The following ADAMTS19 variants were observed in gnomAD, a reference collection of about 807,000 sequenced individuals.
ADAMTS19 encodes A disintegrin and metalloproteinase with thrombospondin motifs 19.
A neutral mutation model predicts 153.3 loss-of-function variants in ADAMTS19; 93 were observed. The observed-to-expected ratio is 0.61, with a 90% confidence interval of 0.51 to 0.72. The LOEUF (loss-of-function observed/expected upper bound fraction) is 0.72, where lower values mean the gene tolerates loss of function less well. Among genes scored for constraint, ADAMTS19 ranks in the 30% least tolerant of loss-of-function variants. ADAMTS19 has a pLI of 0.00. For missense variants in ADAMTS19, 1,482 were observed against 1,552.1 expected (o/e 0.95, Z 0.76); for synonymous variants, 600 against 556.6 (o/e 1.08, Z -1.10).
At chr5:129,619,761 A>G (rs115426530) in intron 8 of ADAMTS19, among the ~76,000 whole-genome samples, 405 of 152,176 alleles carry the variant, frequency 2.7e-3, no homozygotes, top group African/African-American at 9.2e-3. Context: ...TAGTAACTAT[A>G]GGATAGAAGG....
At chr5:129,502,168 G>T (rs1292397231) in intron 2 of ADAMTS19, among the ~76,000 whole-genome samples, 1 of 152,176 alleles carries the variant, frequency 6.6e-6, no homozygotes, top group South Asian at 2.1e-4. Context: ...TTCTAGAAAC[G>T]AAAAGGACCA....
At chr5:129,570,664 A>G (rs1297787406) in intron 7 of ADAMTS19, among the ~76,000 whole-genome samples, 1 of 151,874 alleles carries the variant, frequency 6.6e-6, no homozygotes, top group Non-Finnish European at 1.5e-5. Context: ...AATATTTCTC[A>G]TGAACATAAA....
At chr5:129,493,638 C>T (rs1452608046) in intron 2 of ADAMTS19, among the ~76,000 whole-genome samples, 1 of 152,148 alleles carries the variant, frequency 6.6e-6, no homozygotes, top group Non-Finnish European at 1.5e-5. Flanking sequence ...CTGTCTTTGA[C>T]TCTACCTGTT....
At chr5:129,555,859 G>C (rs945591393) in intron 7 of ADAMTS19, among the ~76,000 whole-genome samples, 1 of 152,156 alleles carries the variant, frequency 6.6e-6, no homozygotes, top group Non-Finnish European at 1.5e-5. Flanking sequence ...TTCAGATGAA[G>C]ATATAGAATT....
At chr5:129,507,408 C>G (rs1581018960) in intron 2 of ADAMTS19, among the ~76,000 whole-genome samples, 1 of 151,826 alleles carries the variant, frequency 6.6e-6, no homozygotes, top group Non-Finnish European at 1.5e-5. Context: ...TTAATATTTT[C>G]TTGTTTCTCA....
intron 3 of ADAMTS19, among the ~76,000 whole-genome samples, chr5:129,518,814 A>T: frequency 6.6e-6 from 1 of 151,968 alleles, no homozygotes; most frequent in East Asian, 1.9e-4. Context: ...TAAGGCCAAT[A>T]ACTCTTATAT....
intron 6 of ADAMTS19, among the ~76,000 whole-genome samples, chr5:129,538,834 C>G (rs775038707): frequency 6.6e-6 from 1 of 152,040 alleles, no homozygotes; most frequent in Non-Finnish European, 1.5e-5. Flanking sequence ...TGCATATTCT[C>G]ATGGCAAAAG....
chr5:129,654,250 T>A (rs1010802879), intron 13 of ADAMTS19, 56 bp from the exon 14 acceptor site: 2 of 1,504,952 alleles, frequency 1.3e-6, no homozygotes, highest in Admixed American at 4.5e-5. Flanking sequence ...AAGCTTAAGA[T>A]AAAAATATTT....
intron 3 of ADAMTS19, among the ~76,000 whole-genome samples, chr5:129,516,745 C>A (rs1347806052): frequency 7.0e-6 from 1 of 143,846 alleles, no homozygotes; most frequent in Non-Finnish European, 1.5e-5. Flanking sequence ...AATAAAGCAA[C>A]CTTCTGTTTT....
intron 8 of ADAMTS19, among the ~76,000 whole-genome samples, chr5:129,612,687 G>T (rs565207510): frequency 2.7e-4 from 41 of 152,002 alleles, no homozygotes; most frequent in African/African-American, 9.9e-4. Context: ...CACACATAAC[G>T]ATACTAACCT....
At chr5:129,600,212 TAC>T (rs1010014967) in intron 8 of ADAMTS19, among the ~76,000 whole-genome samples, 3 of 151,844 alleles carry the variant, frequency 2.0e-5, no homozygotes, top group African/African-American at 7.3e-5. Flanking sequence ...CATGCACCCG[TAC>T]ACACACACAC....
At chr5:129,614,704 A>T (rs1751421882) in intron 8 of ADAMTS19, among the ~76,000 whole-genome samples, 1 of 152,058 alleles carries the variant, frequency 6.6e-6, no homozygotes, top group Non-Finnish European at 1.5e-5. Context: ...GGCAGGAGAA[A>T]GAAATAAAGG....
intron 2 of ADAMTS19, among the ~76,000 whole-genome samples, chr5:129,500,788 A>G (rs1751075326): frequency 6.6e-6 from 1 of 152,134 alleles, no homozygotes; most frequent in Non-Finnish European, 1.5e-5. Flanking sequence ...CTCTAACTGT[A>G]CAAAGTTGAT....
At chr5:129,546,500 A>G (rs1752866217) in intron 6 of ADAMTS19, among the ~76,000 whole-genome samples, 1 of 150,840 alleles carries the variant, frequency 6.6e-6, no homozygotes, top group African/African-American at 2.5e-5. Context: ...GTAAGCAGAA[A>G]GCAAATGCAT....
chr5:129,466,363 T>C (rs1749859150), intron 2 of ADAMTS19, among the ~76,000 whole-genome samples: 1 of 151,952 alleles, frequency 6.6e-6, no homozygotes, highest in Non-Finnish European at 1.5e-5. Flanking sequence ...CTCTTGTTAA[T>C]TAATACAAGA....
Position 129,641,933 on chromosome 5 carries a change from G to A in ADAMTS19, c.1845G>A (p.Met615Ile), listed in dbSNP as rs1445363045. Reference protein sequence around the residue: ...KECRTKLDPPMDGTDCDLGKW... With the variant: ...KECRTKLDPPIDGTDCDLGKW... Reference sequence around the variant, plus strand: ...GCAGAACCAAGCTAGACCCACCAATGGATGGAACTGACTGTGACCTTGGTA... The same window carrying A: ...GCAGAACCAAGCTAGACCCACCAATAGATGGAACTGACTGTGACCTTGGTA... The change falls in exon 11 of 23, where the codon ATG (methionine) becomes ATA (isoleucine). Residue 615 changes from methionine (M) to isoleucine (I), a missense_variant. This residue lies in a region of ADAMTS19 where 866 missense variants were observed against 827.7 expected (regional missense o/e 1.05). Transcript: ENST00000274487. The A allele has an allele frequency of 1.9e-6, 3 of 1,600,552 alleles. No homozygotes were observed. Among genetic ancestry groups the A allele is most frequent in the South Asian group, 2.2e-5 (2 of 89,824 alleles).
At chr5:129,729,101 T>G (rs1757329315) in intron 21 of ADAMTS19, among the ~76,000 whole-genome samples, 1 of 152,096 alleles carries the variant, frequency 6.6e-6, no homozygotes, top group Non-Finnish European at 1.5e-5. Flanking sequence ...GATAGTAATT[T>G]AGACCTGAAC....
chr5:129,703,962 TTATC>T (rs1756027895), intron 20 of ADAMTS19, among the ~76,000 whole-genome samples: 1 of 152,208 alleles, frequency 6.6e-6, no homozygotes, highest in South Asian at 2.1e-4. Flanking sequence ...AGTGCATTAT[TTATC>T]TTTCTTAAAT....
chr5:129,564,103 T>C (rs1753619786), intron 7 of ADAMTS19, among the ~76,000 whole-genome samples: 1 of 152,026 alleles, frequency 6.6e-6, no homozygotes, highest in African/African-American at 2.4e-5. Context: ...GTATTTTTAG[T>C]AGAGACAGCG....
Sources: gnomAD v4.1 joint callset for allele counts (sites outside exome capture counted in the v4.1 genomes callset) on GRCh38, gnomAD v4.1.1 for gene constraint, gnomAD v4.1.1 regional missense constraint, MANE v1.5 for transcripts, NCBI Gene and HGNC (gene_info 2026-07-23, HGNC 2026-07-21) for gene names.